Variants in FUCA1 observed in about 807,000 individuals in gnomAD.
FUCA1 encodes tissue alpha-L-fucosidase.
In FUCA1, 52 loss-of-function variants were observed where a neutral mutation model predicts 56.8. That is an observed-to-expected ratio of 0.92 (90% CI 0.73 to 1.15). FUCA1 has a LOEUF of 1.15. FUCA1 is among the 50% of genes most tolerant of loss of function. The pLI is 0.00. For missense variants in FUCA1, 568 were observed against 592.6 expected, an observed-to-expected ratio of 0.96 and a Z score of 0.43; for synonymous variants, 230 against 226.6, an observed-to-expected ratio of 1.02 and a Z score of -0.14.
chr1:23,857,642 G>A (rs908148777), intron 4 of FUCA1, among the ~76,000 whole-genome samples: 1 of 151,062 alleles, frequency 6.6e-6, no homozygotes, highest in Non-Finnish European at 1.5e-5. Context: ...GATTAGAGGT[G>A]CCCACCACCA....
intron 4 of FUCA1, among the ~76,000 whole-genome samples, chr1:23,859,266 G>A (rs528977900): frequency 6.6e-6 from 1 of 151,886 alleles, no homozygotes; most frequent in South Asian, 2.1e-4. Context: ...TATTGTCAAA[G>A]TTAAGAACTA....
chr1:23,860,192 G>A (rs1639477750), intron 3 of FUCA1, among the ~76,000 whole-genome samples: 1 of 152,088 alleles, frequency 6.6e-6, no homozygotes, highest in African/African-American at 2.4e-5. Flanking sequence ...CCTTCATTTT[G>A]AAAGTATGTG....
At chr1:23,851,817 TG>T (rs35554549) in intron 5 of FUCA1, among the ~76,000 whole-genome samples, 56,930 of 151,544 alleles carry the variant, frequency 0.38, 11,030 homozygotes, top group East Asian at 0.48. Context: ...TGAGAACACA[TG>T]GGACACAGGA....
Position 23,868,069 on chromosome 1 carries a change from C to G in FUCA1, c.218G>C (p.Gly73Ala), listed in dbSNP as rs768929138. The change falls in exon 1 of 8, where the codon GGC (glycine) becomes GCC (alanine). Residue 73 changes from glycine to alanine, a missense_variant. Gly to Ala is a moderately conservative substitution (Grantham distance 60). Transcript: ENST00000374479. ...HWGVFSVPAW[G>A]SEWFWWHWQG... is the part of the protein sequence containing the mutation. Reference sequence around the variant, plus strand: ...CCAGTGCCACCAGAACCACTCGCTGCCCCAGGCGGGCACCGAGAACACGCC... The same window carrying G: ...CCAGTGCCACCAGAACCACTCGCTGGCCCAGGCGGGCACCGAGAACACGCC... 44 of 1,611,556 alleles carry G rather than the reference C, an allele frequency of 2.7e-5. No individual in the cohort carries two copies. Among genetic ancestry groups the G allele is most frequent in the Non-Finnish European group, 2.0e-5 (24 of 1,179,530 alleles).
intron 3 of FUCA1, among the ~76,000 whole-genome samples, chr1:23,862,327 G>A (rs1317669395): frequency 6.6e-6 from 1 of 152,120 alleles, no homozygotes; most frequent in Non-Finnish European, 1.5e-5. Context: ...CAGCATGCCT[G>A]GCCAATTTTT....
At chr1:23,855,633 A>G (rs1639375343) in intron 4 of FUCA1, among the ~76,000 whole-genome samples, 1 of 152,240 alleles carries the variant, frequency 6.6e-6, no homozygotes, top group South Asian at 2.1e-4. Context: ...TCTCCTATGG[A>G]AGCTAGTTAA....
intron 5 of FUCA1, among the ~76,000 whole-genome samples, chr1:23,853,085 G>C (rs970312570): frequency 9.6e-5 from 14 of 145,618 alleles, no homozygotes; most frequent in Non-Finnish European, 1.4e-4. Context: ...GTCTCTGCCC[G>C]GCCGCCCATC....
At chr1:23,854,806 A>C (rs1639358203) in intron 4 of FUCA1, among the ~76,000 whole-genome samples, 1 of 152,214 alleles carries the variant, frequency 6.6e-6, no homozygotes, top group South Asian at 2.1e-4. Context: ...CCTACAATGC[A>C]CAGGACAGCC....
intron 5 of FUCA1, among the ~76,000 whole-genome samples, chr1:23,853,500 C>A (rs1639320320): frequency 6.6e-6 from 1 of 151,644 alleles, no homozygotes; most frequent in African/African-American, 2.4e-5. Flanking sequence ...GCGCCTCTGC[C>A]CGGCCGCCCC....
At position 23,865,622 on chromosome 1, in the gene FUCA1, A is replaced by T. The variant is rs781230182; in HGVS notation, c.393T>A (p.Tyr131Ter). 5.0e-6 allele frequency: 8 copies of T among 1,614,234 alleles called. No homozygotes were observed. The East Asian group carries it at 6.7e-5, about 13-fold the overall frequency. The change falls in exon 2 of 8, where the codon TAT becomes TAA. Residue 131 changes from tyrosine (Y) to a stop codon, truncating the protein, a stop_gained. Coordinates refer to ENST00000374479, the MANE Select transcript of FUCA1 (RefSeq NM_000147.5). LOFTEE classifies it high-confidence loss of function. ...CGTGATGCTTTGTCGTCAAAACTAC[A>T]TACCTGTGGACAGCAAAACCACATG... Reference protein sequence around the residue: ...ADLFQAAGAKYVVLTTKHHEG... With the variant: ...ADLFQAAGAK
rs1331435440 is a variant in FUCA1 at position 23,857,676 on chromosome 1, C to CT, written c.768+2121dup. 5.7e-4 allele frequency among the ~76,000 whole-genome samples: 84 copies of CT among 146,412 alleles called. 3 individuals are homozygous for CT. In the South Asian group the frequency reaches 0.017, roughly 30 times the overall value. On this transcript the variant is annotated intron_variant, in intron 4 of 7. Coordinates refer to ENST00000374479, the MANE Select transcript of FUCA1 (RefSeq NM_000147.5). Reference sequence around the variant, plus strand: ...CACGCCCGACTAATTTTTGTATTTTCTTTTTTTTTGAGACAGAGTCTCGCT... The same window carrying CT: ...CACGCCCGACTAATTTTTGTATTTTCTTTTTTTTTTGAGACAGAGTCTCGCT...
chr1:23,851,266 A>G (rs1224952321), intron 5 of FUCA1, among the ~76,000 whole-genome samples: 1 of 152,172 alleles, frequency 6.6e-6, no homozygotes, highest in Non-Finnish European at 1.5e-5. Flanking sequence ...CGGGAGGCTG[A>G]GGCAGGAGAA....
chr1:23,852,131 A>G (rs1241011218), intron 5 of FUCA1, among the ~76,000 whole-genome samples: 11 of 148,368 alleles, frequency 7.4e-5, no homozygotes, highest in African/African-American at 2.7e-4. Context: ...TAGTTAAAAA[A>G]TAGTGAACTC....
Position 23,867,852 on chromosome 1 carries a change from G to A in FUCA1, c.389+46C>T. 2 of 1,519,824 alleles carry A rather than the reference G, an allele frequency of 1.3e-6. No individual in the cohort carries two copies. 94.1% of individuals were successfully genotyped at this position (1,519,824 alleles called of 1,614,324 possible). On this transcript the variant is annotated intron_variant, in intron 1 of 7. Coordinates refer to ENST00000374479, the MANE Select transcript of FUCA1 (RefSeq NM_000147.5). This position sits in a 1 kb window ranked among gnomAD's most constrained non-coding sequence, Gnocchi z 4.9. ...GGCCGCCCAGCCCCACCTCCTGTTT[G>A]CCGCCCGAGCCGGGAAGGGGCGCCG...
chr1:23,863,262 G>T lies in FUCA1; in HGVS notation c.534C>A (p.Arg178=). The change falls in exon 3 of 8, where the codon CGC becomes CGA. Residue 178 remains arginine (R), a synonymous_variant. Transcript: ENST00000374479. ...CTAAGAGTGAGTGGTATAGTCCATA[G>T]CGGATGTTCCTTAAACAGAAAAACA... ...LGTALRKRNI[R]YGLYHSLLEW... The T allele has an allele frequency of 6.2e-7, 1 of 1,613,138 alleles. No individual in the cohort carries two copies. The highest frequency in any genetic ancestry group is 2.2e-5 in the East Asian group (1 of 44,864).
intron 5 of FUCA1, among the ~76,000 whole-genome samples, chr1:23,853,616 T>C (rs1415640758): frequency 1.3e-5 from 2 of 151,166 alleles, no homozygotes; most frequent in Non-Finnish European, 3.0e-5. Context: ...TTTTGTGGAA[T>C]AGAAAGGGGG....
Position 23,868,176 on chromosome 1 carries a change from G to A in FUCA1, c.111C>T (p.Tyr37=), listed in dbSNP as rs754703239. The change falls in exon 1 of 8, where the codon TAC becomes TAT. Residue 37 remains tyrosine (Y), a synonymous_variant. Coordinates refer to ENST00000374479, the MANE Select transcript of FUCA1 (RefSeq NM_000147.5). ...AATCCAGGCTCGGCCAGTCTGGGGT[G>A]TAGCGGCGCGGAGGCTGGGCCCGAC... ...SVRRAQPPRR[Y]TPDWPSLDSR... 3.7e-6 allele frequency: 6 copies of A among 1,606,244 alleles called. No individual in the cohort carries two copies. The highest frequency in any genetic ancestry group is 5.1e-6 in the Non-Finnish European group (6 of 1,177,390).
At position 23,848,717 on chromosome 1, in the gene FUCA1, G is replaced by A. The variant is rs1341681556; in HGVS notation, c.1092C>T (p.Ile364=). Residue 364 remains isoleucine (I), a synonymous_variant, in exon 6 of 8, where the codon ATC becomes ATT. Coordinates refer to ENST00000374479, the MANE Select transcript of FUCA1 (RefSeq NM_000147.5). ...RLLAVGKWLS[I]NGEAIYASKP... Reference sequence around the variant, plus strand: ...TGGAGGCATAGATAGCCTCCCCATTGATGCTCAGCCATTTCCCAACAGCAA... The same window carrying A: ...TGGAGGCATAGATAGCCTCCCCATTAATGCTCAGCCATTTCCCAACAGCAA... The A allele has an allele frequency of 6.2e-7, 1 of 1,614,056 alleles. No individual in the cohort carries two copies. The highest frequency in any genetic ancestry group is 2.2e-5 in the East Asian group (1 of 44,900).
chr1:23,846,247 C>A, intron 6 of FUCA1, 74 bp from the exon 7 acceptor site: 1 of 939,802 alleles, frequency 1.1e-6, no homozygotes, highest in Non-Finnish European at 1.7e-6. Flanking sequence ...ACATTTCCTC[C>A]TTTTTAATGT....
Sources: allele counts gnomAD v4.1 joint callset (sites outside exome capture counted in the v4.1 genomes callset), GRCh38; gene constraint gnomAD v4.1.1; non-coding constraint Gnocchi (gnomAD v3.1); transcripts MANE v1.5; gene names NCBI Gene and HGNC (gene_info 2026-07-23, HGNC 2026-07-21).